DNAH3: variants seen among roughly 807,000 people sequenced by gnomAD.
DNAH3 encodes the protein axonemal beta dynein heavy chain 3.
DNAH3 carries 332 observed loss-of-function variants against 432.5 expected under a neutral mutation model. The observed-to-expected ratio is 0.77, with a 90% CI of 0.70 to 0.84. The LOEUF (loss-of-function observed/expected upper bound fraction) is 0.84. Among genes scored for constraint, DNAH3 ranks in the 40% least tolerant of loss-of-function variants. The pLI is 0.00. For synonymous variants in DNAH3, 1,956 were observed against 1,900.2 expected (o/e 1.03, Z -0.76); for missense variants, 4,861 against 5,114.0 (o/e 0.95, Z 1.51).
chr16:21,008,007 T>C (rs1015017376), intron 41 of DNAH3, among the ~76,000 whole-genome samples: 2 of 152,246 alleles, frequency 1.3e-5, no homozygotes, highest in Non-Finnish European at 1.5e-5. Flanking sequence ...CAAGTCACCA[T>C]AAATGCAAGA....
At chr16:20,936,534 A>T in intron 60 of DNAH3, 115 bp downstream of exon 60, 1 of 877,884 alleles carries the variant, frequency 1.1e-6, no homozygotes, top group Non-Finnish European at 1.8e-6. Context: ...GGCTCAATCC[A>T]GGATGTTCTG....
At chr16:20,985,744 A>T (rs201883833) in intron 47 of DNAH3, 29 bp from the exon 48 acceptor site, 15 of 1,597,166 alleles carry the variant, frequency 9.4e-6, no homozygotes, top group Middle Eastern at 1.7e-4. Context: ...TCGGCGGGGC[A>T]TTCAGTGAAT....
At chr16:21,125,476 C>T (rs1482099229) in intron 8 of DNAH3, 106 bp from the exon 10 acceptor site, 1 of 838,638 alleles carries the variant, frequency 1.2e-6, no homozygotes, top group Non-Finnish European at 1.7e-6. Flanking sequence ...CTCAATGTCC[C>T]ACCAAGCAGC....
intron 31 of DNAH3, among the ~76,000 whole-genome samples, chr16:21,045,302 C>G (rs1317639752): frequency 6.6e-6 from 1 of 151,646 alleles, no homozygotes; most frequent in East Asian, 1.9e-4. Flanking sequence ...TCCATCTGGT[C>G]CTGGACTCTT....
At chr16:21,139,453 G>A (rs997419788) in intron 5 of DNAH3, among the ~76,000 whole-genome samples, 4 of 148,342 alleles carry the variant, frequency 2.7e-5, no homozygotes, top group Non-Finnish European at 5.9e-5. Context: ...AGGTTGTCTT[G>A]TCCTAGAAAG....
Position 20,979,349 on chromosome 16 carries a change from A to C in DNAH3, c.8057T>G (p.Leu2686Arg), listed in dbSNP as rs139609202. Reference sequence around the variant, plus strand: ...GCTCACCTGAGAAGCTGCAAAGTCGAGTTTCTGCAAGCCTGTCAGGTAGCG... The same window carrying C: ...GCTCACCTGAGAAGCTGCAAAGTCGCGTTTCTGCAAGCCTGTCAGGTAGCG... Residue 2686 changes from leucine (L) to arginine (R), a missense_variant, in exon 50 of 62, where the codon CTC becomes CGC. By Grantham distance (102) the Leu-to-Arg change is moderately radical. Transcript: ENST00000261383. 1.6e-3 allele frequency: 2,653 copies of C among 1,613,948 alleles called. 7 individuals are homozygous for C. Among genetic ancestry groups the C allele is most frequent in the Middle Eastern group, 3.2e-3 (19 of 6,022 alleles).
chr16:21,104,654 G>A, intron 15 of DNAH3, 60 bp from the exon 16 acceptor site: 2 of 1,003,762 alleles, frequency 2.0e-6, no homozygotes, highest in South Asian at 2.6e-5. Context: ...GTCAGCATGT[G>A]GCGAATTAAT....
chr16:20,973,742 G>A (rs1242822390), intron 51 of DNAH3, among the ~76,000 whole-genome samples: 3 of 152,160 alleles, frequency 2.0e-5, no homozygotes, highest in Non-Finnish European at 4.4e-5. Flanking sequence ...ACCTTCAAGC[G>A]GGTTTCCTCT....
In DNAH3 at chr16:21,115,751, T is replaced by TA. The variant is rs1473864209; in HGVS notation, c.1814+1451dup. 3.4e-5 allele frequency among the ~76,000 whole-genome samples: 5 copies of TA among 148,930 alleles called. No individual in the cohort carries two copies. In the East Asian group the frequency reaches 7.9e-4, roughly 23 times the overall value. ...AAAATAAAATAAAATAAAATAAAAA[T>TA]AAAATAAAATAAATAAAATAAAATA... is the stretch of plus-strand genomic sequence containing the variant. On this transcript the variant is annotated intron_variant, in intron 12 of 61. Transcript: ENST00000261383.
chr16:21,057,226 T>C (rs548875431), intron 27 of DNAH3, among the ~76,000 whole-genome samples: 1 of 152,128 alleles, frequency 6.6e-6, no homozygotes, highest in Non-Finnish European at 1.5e-5. Context: ...CTGGCCAACA[T>C]AGTGAGACCC....
intron 51 of DNAH3, among the ~76,000 whole-genome samples, chr16:20,971,361 C>T (rs1460561930): frequency 6.6e-6 from 1 of 152,060 alleles, no homozygotes; most frequent in Non-Finnish European, 1.5e-5. Flanking sequence ...GGCACTATTC[C>T]ATCTTGTGTC....
intron 27 of DNAH3, among the ~76,000 whole-genome samples, chr16:21,055,351 C>T (rs766305358): frequency 6.6e-6 from 1 of 152,068 alleles, no homozygotes. Context: ...CCACCACGCC[C>T]GGCCTGTCAT....
chr16:21,121,120 G>A, intron 10 of DNAH3: 1 of 566,942 alleles, frequency 1.8e-6, no homozygotes, highest in South Asian at 1.6e-5. Flanking sequence ...GTGAGAAGGT[G>A]GAAGGGTGAG....
chr16:21,129,937 T>C, intron 7 of DNAH3: 1 of 152,032 alleles, frequency 6.6e-6, no homozygotes, highest in African/African-American at 2.4e-5. Flanking sequence ...TAACATATTA[T>C]ATAATTTATT....
chr16:21,066,016 G>A (rs550842360), intron 24 of DNAH3, among the ~76,000 whole-genome samples: 20 of 151,848 alleles, frequency 1.3e-4, no homozygotes, highest in African/African-American at 4.6e-4. Context: ...TAGTAGAGGC[G>A]GGGTTTCAAC....
chr16:21,115,768 AAT>A (rs2092183030), intron 12 of DNAH3, among the ~76,000 whole-genome samples: 1 of 151,076 alleles, frequency 6.6e-6, no homozygotes, highest in African/African-American at 2.4e-5. Context: ...AAATAAATAA[AAT>A]AAAATAAAAT....
At chr16:20,944,210 A>AC in intron 58 of DNAH3, among the ~76,000 whole-genome samples, 1 of 152,340 alleles carries the variant, frequency 6.6e-6, no homozygotes, top group South Asian at 2.1e-4. Context: ...AGAAAAAAAA[A>AC]AAGAATAAAA....
At chr16:20,975,832 A>G (rs940381693) in intron 50 of DNAH3, among the ~76,000 whole-genome samples, 5 of 151,702 alleles carry the variant, frequency 3.3e-5, no homozygotes, top group African/African-American at 1.2e-4. Context: ...GCAACCTCCA[A>G]CTCCTGGGTT....
chr16:21,085,729 C>T (rs1029190665), intron 19 of DNAH3, among the ~76,000 whole-genome samples: 2 of 151,934 alleles, frequency 1.3e-5, no homozygotes, highest in African/African-American at 4.8e-5. Flanking sequence ...ACAAAGTGCT[C>T]CTTGTCACTG....
Sources: gnomAD v4.1 joint callset for allele counts (sites outside exome capture counted in the v4.1 genomes callset) on GRCh38, gnomAD v4.1.1 for gene constraint, MANE v1.5 for transcripts, NCBI Gene and HGNC (gene_info 2026-07-23, HGNC 2026-07-21) for gene names.